Variants in ST7 observed in about 807,000 individuals in gnomAD.
ST7 encodes suppression of tumorigenicity 7, also known as suppressor of tumorigenicity 7 protein.
A neutral mutation model predicts 78.7 loss-of-function variants in ST7; 28 were observed. That is an observed-to-expected ratio of 0.36 (90% CI 0.26 to 0.49). ST7 has a LOEUF of 0.49. ST7 is among the 20% of genes least tolerant of loss of function. ST7 has a pLI of 0.99. For missense variants in ST7, 418 were observed against 696.0 expected (o/e 0.60, Z 4.49); for synonymous variants, 247 against 249.6 (o/e 0.99, Z 0.10).
intron 15 of ST7, among the ~76,000 whole-genome samples, chr7:117,229,251 C>T (rs917609875): frequency 6.6e-6 from 1 of 152,196 alleles, no homozygotes. Flanking sequence ...ACATGTGGCT[C>T]AGAAAGGAGC....
At chr7:117,153,150 T>C (rs1382922544) in intron 9 of ST7, among the ~76,000 whole-genome samples, 1 of 152,184 alleles carries the variant, frequency 6.6e-6, no homozygotes, top group East Asian at 1.9e-4. Flanking sequence ...AGATAAGTCA[T>C]AGATAACGTC....
intron 15 of ST7, among the ~76,000 whole-genome samples, chr7:117,224,657 T>A (rs1157245270): frequency 1.3e-5 from 2 of 152,332 alleles, no homozygotes; most frequent in Non-Finnish European, 2.9e-5. Context: ...TTTGAATCAG[T>A]AGAGATTCCC....
chr7:117,088,032 C>T (rs1800295908), intron 1 of ST7, among the ~76,000 whole-genome samples: 2 of 152,134 alleles, frequency 1.3e-5, no homozygotes, highest in African/African-American at 2.4e-5. Context: ...GCATTCTCTC[C>T]CACTGCTTCT....
intron 1 of ST7, among the ~76,000 whole-genome samples, chr7:116,993,352 G>A (rs1254136142): frequency 6.6e-6 from 1 of 152,130 alleles, no homozygotes; most frequent in Non-Finnish European, 1.5e-5. Context: ...TTCTTACATG[G>A]CAGCAGAAAG....
intron 1 of ST7, among the ~76,000 whole-genome samples, chr7:117,091,026 C>T (rs1393308781): frequency 2.6e-5 from 4 of 152,234 alleles, no homozygotes; most frequent in African/African-American, 9.6e-5. Context: ...CACTCCTCAG[C>T]AGAGCCAGAT....
rs1260234893 is a variant in ST7 at position 116,953,699 on chromosome 7, C to G, written c.151+8C>G. 2 of 1,449,008 alleles carry G rather than the reference C, an allele frequency of 1.4e-6. No individual in the cohort carries two copies. Among genetic ancestry groups the G allele is most frequent in the Admixed American group, 2.0e-5 (1 of 49,656 alleles). The allele number at this position is 1,449,008 out of a possible 1,614,324, so 89.8% of individuals were successfully genotyped here. On this transcript the variant is annotated splice_region_variant and intron_variant, in intron 1 of 15. Transcript: ENST00000323984. ...ACGACAACTTGAGCACAGGTAAGGC[C>G]TGGGAGCCGGGCCCGCGGCGCCCAC...
chr7:117,111,774 T>C (rs989163838), intron 2 of ST7, among the ~76,000 whole-genome samples: 5 of 152,212 alleles, frequency 3.3e-5, no homozygotes, highest in African/African-American at 1.2e-4. Flanking sequence ...AAGTTAGTCT[T>C]ATCTGCTAGC....
chr7:116,966,651 C>A (rs535908766), intron 1 of ST7, among the ~76,000 whole-genome samples: 2 of 152,286 alleles, frequency 1.3e-5, no homozygotes, highest in East Asian at 3.9e-4. Context: ...ACTAGTCACC[C>A]AGAAGATTAA....
chr7:117,104,051 C>T (rs995558104), intron 2 of ST7, among the ~76,000 whole-genome samples: 2 of 152,170 alleles, frequency 1.3e-5, no homozygotes, highest in African/African-American at 2.4e-5. Context: ...TATCATCTCA[C>T]TACAGTTAGA....
At chr7:117,207,262 GCCT>G (rs1791852662) in intron 12 of ST7, among the ~76,000 whole-genome samples, 1 of 151,702 alleles carries the variant, frequency 6.6e-6, no homozygotes, top group Non-Finnish European at 1.5e-5. Context: ...CTCTGCCTTA[GCCT>G]CCTGAACAGC....
chr7:116,996,954 G>T (rs1415533843), intron 1 of ST7, among the ~76,000 whole-genome samples: 1 of 152,146 alleles, frequency 6.6e-6, no homozygotes, highest in African/African-American at 2.4e-5. Flanking sequence ...AGGCAGATTT[G>T]CTTGGAAAAG....
At chr7:116,983,551 C>T (rs531786971) in intron 1 of ST7, among the ~76,000 whole-genome samples, 118 of 152,258 alleles carry the variant, frequency 7.7e-4, no homozygotes, top group Middle Eastern at 6.8e-3. Flanking sequence ...GGGGATGCCT[C>T]CTTATACACA....
chr7:116,972,808 A>G (rs1281768208), intron 1 of ST7: 15 of 988,730 alleles, frequency 1.5e-5, no homozygotes, highest in East Asian at 2.4e-5. Flanking sequence ...TTCTCCCTCA[A>G]CTTCTCACTG....
intron 1 of ST7, among the ~76,000 whole-genome samples, chr7:117,050,231 A>G (rs867717065): frequency 6.6e-6 from 1 of 151,808 alleles, no homozygotes; most frequent in Non-Finnish European, 1.5e-5. Context: ...AAAAAAAAGA[A>G]AAAAAGAAAA....
intron 15 of ST7, among the ~76,000 whole-genome samples, chr7:117,226,110 T>C (rs1440901660): frequency 6.6e-6 from 1 of 152,186 alleles, no homozygotes; most frequent in Non-Finnish European, 1.5e-5. Flanking sequence ...CTCGACCTCT[T>C]TGAAGCCTGA....
At chr7:117,055,054 A>G (rs981908629) in intron 1 of ST7, among the ~76,000 whole-genome samples, 4 of 152,228 alleles carry the variant, frequency 2.6e-5, no homozygotes, top group African/African-American at 9.6e-5. Context: ...TATGTATAAT[A>G]GTGATTAATA....
chr7:117,007,206 C>A (rs765940809), intron 1 of ST7, among the ~76,000 whole-genome samples: 1 of 152,126 alleles, frequency 6.6e-6, no homozygotes, highest in African/African-American at 2.4e-5. Context: ...GATATGGATG[C>A]GAGGGAAAAA....
rs540485486 is a variant in ST7 at position 117,108,974 on chromosome 7, A to G, written c.234+9130A>G. 1.8e-4 allele frequency among the ~76,000 whole-genome samples: 28 copies of G among 152,224 alleles called. 2 individuals are homozygous for G. The East Asian group carries it at 5.4e-3, about 29-fold the overall frequency. On this transcript the variant is annotated intron_variant, in intron 2 of 15. Coordinates refer to ENST00000323984, the MANE Select transcript of ST7 (RefSeq NM_001369598.1). ...TGTATCCTAAAACTTTGCTGAATTC[A>G]TTTACCACTCCTGGGAGCTTTTTGG...
chr7:117,182,666 C>T (rs1298458432), intron 10 of ST7: 1 of 152,120 alleles, frequency 6.6e-6, no homozygotes, highest in Non-Finnish European at 1.5e-5. Context: ...TGCTCAACAC[C>T]AGGGCCGTTC....
Sources: allele counts gnomAD v4.1 joint callset (sites outside exome capture counted in the v4.1 genomes callset), GRCh38; gene constraint gnomAD v4.1.1; transcripts MANE v1.5; gene names NCBI Gene and HGNC (gene_info 2026-07-23, HGNC 2026-07-21).